The following IER5 variants were observed in gnomAD, a reference collection of about 807,000 sequenced individuals.
The protein encoded by IER5 is immediate early response gene 5 protein.
Under a neutral mutation model 8.2 loss-of-function variants are expected in IER5, and 3 were observed. The ratio of observed to expected loss-of-function variants is 0.36; its 90% CI spans 0.17 to 0.94. IER5 has a LOEUF of 0.94. Among genes scored for constraint, IER5 ranks in the 40% least tolerant of loss-of-function variants. The pLI is 0.43. For synonymous variants in IER5, 286 were observed against 230.1 expected (o/e 1.24, Z -2.20); for missense variants, 531 against 494.3 (o/e 1.07, Z -0.70).
rs1019828523 is a variant in IER5, at chr1:181,091,609, AAG to A, written c.*1728_*1729del. The A allele has an allele frequency of 2.0e-5, 3 of 152,236 alleles. No individual in the cohort carries two copies. The highest frequency in any genetic ancestry group is 6.5e-5 in the Admixed American group (1 of 15,286). 9.4% of individuals were successfully genotyped at this position (152,236 alleles called of 1,614,324 possible). A position where few individuals can be genotyped will look rare whatever the true frequency, so the allele number is the denominator to read the frequency against. ...CGATTTTACTAAAATCACTGCCATT[AAG>A]AGAGTTTTTTGTCTCTTCATGTTCA... On this transcript the variant is annotated 3_prime_UTR_variant, in exon 1 of 1. Transcript: ENST00000367577.
At position 181,091,762 on chromosome 1, in the gene IER5, A is replaced by G. The variant is rs1659485575; in HGVS notation, c.*1876A>G. The G allele has an allele frequency of 6.6e-6, 1 of 152,244 alleles. No homozygotes were observed. Among genetic ancestry groups the G allele is most frequent in the African/African-American group, 2.4e-5 (1 of 41,464 alleles). The allele number at this position is 152,244 out of a possible 1,614,324, so 9.4% of individuals were successfully genotyped here. A position where few individuals can be genotyped will look rare whatever the true frequency, so the allele number is the denominator to read the frequency against. ...CTGGTTTCTAACAACTTACGAGTAT[A>G]TAGGGTATTTAAAAGATGGGAGAGA... On this transcript the variant is annotated 3_prime_UTR_variant, in exon 1 of 1. Coordinates refer to ENST00000367577, the MANE Select transcript of IER5 (RefSeq NM_016545.5).
At position 181,089,216 on chromosome 1, in the gene IER5, C is replaced by T. The variant is rs769244294; in HGVS notation, c.314C>T (p.Ser105Phe). 3.8e-5 allele frequency: 58 copies of T among 1,541,340 alleles called. No individual in the cohort carries two copies. The highest frequency in any genetic ancestry group is 4.8e-5 in the Non-Finnish European group (55 of 1,145,972). ...GAGACCGAGCCGCAGCCGGAGCGCT[C>T]CTCCGTCTCAGACGCGCCGCGGGTA... ...WPETEPQPER[S>F]SVSDAPRVGD... Residue 105 changes from serine (S) to phenylalanine (F), a missense_variant, in exon 1 of 1, where the codon TCC (serine) becomes TTC (phenylalanine). Transcript: ENST00000367577.
rs764520802 is a variant in IER5 at position 181,092,764 on chromosome 1, CAT to C, written c.*2881_*2882del. On this transcript the variant is annotated 3_prime_UTR_variant, in exon 1 of 1. Coordinates refer to ENST00000367577, the MANE Select transcript of IER5 (RefSeq NM_016545.5). Reference sequence around the variant, plus strand: ...AGTTAATGCTCTTAGAAGAGTACCTCATATGTAATAAGCACGCAACTGTTAAT... The same window carrying C: ...AGTTAATGCTCTTAGAAGAGTACCTCATGTAATAAGCACGCAACTGTTAAT... 4.6e-5 allele frequency: 7 copies of C among 152,196 alleles called. No individual in the cohort carries two copies. Among genetic ancestry groups the C allele is most frequent in the Non-Finnish European group, 1.0e-4 (7 of 68,032 alleles). 9.4% of individuals were successfully genotyped at this position (152,196 alleles called of 1,614,324 possible). A position where few individuals can be genotyped will look rare whatever the true frequency, so the allele number is the denominator to read the frequency against.
At position 181,088,766 on chromosome 1, in the gene IER5, G is replaced by T. The variant is rs1659387229; in HGVS notation, c.-137G>T. Reference sequence around the variant, plus strand: ...GAGAGGTTAGTAGAGCAGCGCGCGCGTCACCAGAGTCGTTTCTCTTCGGAG... The same window carrying T: ...GAGAGGTTAGTAGAGCAGCGCGCGCTTCACCAGAGTCGTTTCTCTTCGGAG... On this transcript the variant is annotated 5_prime_UTR_variant, in exon 1 of 1. Coordinates refer to ENST00000367577, the MANE Select transcript of IER5 (RefSeq NM_016545.5). 3 of 663,568 alleles carry T rather than the reference G, an allele frequency of 4.5e-6. No homozygotes were observed. Among genetic ancestry groups the T allele is most frequent in the East Asian group, 3.7e-5 (1 of 26,716 alleles). The allele number at this position is 663,568 out of a possible 1,614,324, so 41.1% of individuals were successfully genotyped here.
Position 181,089,175 on chromosome 1 carries a change from T to C in IER5, c.273T>C (p.Ala91=), listed in dbSNP as rs780774987. 4.0e-6 allele frequency: 6 copies of C among 1,481,726 alleles called. No homozygotes were observed. In the South Asian group the frequency reaches 8.1e-5, roughly 20 times the overall value. 91.8% of individuals were successfully genotyped at this position (1,481,726 alleles called of 1,614,324 possible). A position where few individuals can be genotyped will look rare whatever the true frequency, so the allele number is the denominator to read the frequency against. The part of the protein sequence containing the change: ...AGWGEPPPPA[A]RASWPETEPQ... ...GGGGAGAGCCGCCCCCGCCCGCCGC[T>C]CGTGCCTCTTGGCCGGAGACCGAGC... Residue 91 remains alanine, a synonymous_variant, in exon 1 of 1, where the codon GCT becomes GCC. Transcript: ENST00000367577.
rs1659431838 is a variant in IER5 at position 181,089,975 on chromosome 1, G to A, written c.*89G>A. The A allele has an allele frequency of 5.3e-6, 8 of 1,512,936 alleles. No homozygotes were observed. In the South Asian group the frequency reaches 7.4e-5, roughly 14 times the overall value. 93.7% of individuals were successfully genotyped at this position (1,512,936 alleles called of 1,614,324 possible). A position where few individuals can be genotyped will look rare whatever the true frequency, so the allele number is the denominator to read the frequency against. On this transcript the variant is annotated 3_prime_UTR_variant, in exon 1 of 1. Coordinates refer to ENST00000367577, the MANE Select transcript of IER5 (RefSeq NM_016545.5). ...CTTCCCGGCTGCGAGGACGCCCAGAGACCGCGGGCGCTGAGCGCGTTGGGC... is the reference window on the plus strand; with the variant it reads ...CTTCCCGGCTGCGAGGACGCCCAGAAACCGCGGGCGCTGAGCGCGTTGGGC...
Position 181,089,136 on chromosome 1 carries a change from G to T in IER5, c.234G>T (p.Gly78=), listed in dbSNP as rs113028155. 31,736 of 1,395,294 alleles carry T rather than the reference G, an allele frequency of 0.023. 438 individuals are homozygous for T. The highest frequency in any genetic ancestry group is 0.028 in the African/African-American group (1,816 of 65,836). The allele number at this position is 1,395,294 out of a possible 1,614,324, so 86.4% of individuals were successfully genotyped here. Residue 78 remains glycine, a synonymous_variant, in exon 1 of 1, where the codon GGG becomes GGT. Coordinates refer to ENST00000367577, the MANE Select transcript of IER5 (RefSeq NM_016545.5). ...PQQQPGEPAA[G]PPAGWGEPPP... ...AGCAGCCCGGGGAGCCGGCGGCCGG[G>T]CCACCCGCCGGCTGGGGAGAGCCGC...
rs535120686 is a variant in IER5 at position 181,091,537 on chromosome 1, T to G, written c.*1651T>G. ...TTTGTTACTTAAATGGTGACATCAG[T>G]GTTTGGTCATGGTAGACACTTAGGT... On this transcript the variant is annotated 3_prime_UTR_variant, in exon 1 of 1. Transcript: ENST00000367577. The G allele has an allele frequency of 3.3e-5, 5 of 152,400 alleles. No individual in the cohort carries two copies. Among genetic ancestry groups the G allele is most frequent in the African/African-American group, 1.2e-4 (5 of 41,602 alleles). 9.4% of individuals were successfully genotyped at this position (152,400 alleles called of 1,614,324 possible). A position where few individuals can be genotyped will look rare whatever the true frequency, so the allele number is the denominator to read the frequency against.
In IER5 at chr1:181,088,778, G is replaced by T; in HGVS notation, c.-125G>T. The T allele has an allele frequency of 2.7e-6, 2 of 736,178 alleles. No homozygotes were observed. The highest frequency in any genetic ancestry group is 4.3e-6 in the Non-Finnish European group (2 of 460,992). 45.6% of individuals were successfully genotyped at this position (736,178 alleles called of 1,614,324 possible). Reference sequence around the variant, plus strand: ...GAGCAGCGCGCGCGTCACCAGAGTCGTTTCTCTTCGGAGTCTTAGGTGATC... The same window carrying T: ...GAGCAGCGCGCGCGTCACCAGAGTCTTTTCTCTTCGGAGTCTTAGGTGATC... On this transcript the variant is annotated 5_prime_UTR_variant, in exon 1 of 1. Coordinates refer to ENST00000367577, the MANE Select transcript of IER5 (RefSeq NM_016545.5).
chr1:181,089,626 C>T lies in IER5; in HGVS notation c.724C>T (p.Pro242Ser), dbSNP rs2102433481. 6.2e-7 allele frequency: 1 copy of T among 1,612,104 alleles called. No individual in the cohort carries two copies. The highest frequency in any genetic ancestry group is 8.5e-7 in the Non-Finnish European group (1 of 1,179,680). The change falls in exon 1 of 1, where the codon CCC becomes TCC. Residue 242 changes from proline to serine, a missense_variant. Physicochemically the swap from Pro to Ser is moderately conservative, Grantham distance 74 (BLOSUM62 -1). Transcript: ENST00000367577. Reference sequence around the variant, plus strand: ...GCCCGGCTCGACCCCGCTCAAGAAGCCCCGCCGGAACTTAGAGCAGCCGCC... The same window carrying T: ...GCCCGGCTCGACCCCGCTCAAGAAGTCCCGCCGGAACTTAGAGCAGCCGCC... ...PAPGSTPLKK[P>S]RRNLEQPPSG...
rs562777916 is a variant in IER5 at position 181,088,821 on chromosome 1, G to T, written c.-82G>T. 1.1e-5 allele frequency: 16 copies of T among 1,491,182 alleles called. No homozygotes were observed. In the East Asian group the frequency reaches 3.6e-4, roughly 33 times the overall value. 92.4% of individuals were successfully genotyped at this position (1,491,182 alleles called of 1,614,324 possible). ...AGGTGATCGAGGGTGTGCCCAGGGG[G>T]CGGACTTGTTTGCGCCTCCCGTTCC... On this transcript the variant is annotated 5_prime_UTR_variant, in exon 1 of 1. Coordinates refer to ENST00000367577, the MANE Select transcript of IER5 (RefSeq NM_016545.5).
In IER5 at chr1:181,089,799, G is replaced by A. The variant is rs1286111313; in HGVS notation, c.897G>A (p.Pro299=). The A allele has an allele frequency of 1.9e-6, 3 of 1,613,416 alleles. No homozygotes were observed. Among genetic ancestry groups the A allele is most frequent in the South Asian group, 2.2e-5 (2 of 91,036 alleles). Residue 299 remains proline (P), a synonymous_variant, in exon 1 of 1, where the codon CCG becomes CCA. Coordinates refer to ENST00000367577, the MANE Select transcript of IER5 (RefSeq NM_016545.5). The stretch of plus-strand genomic sequence containing the variant: ...AAGAGGAGGGAGAGGAGAGCGGTCC[G>A]GAAGCCGCCGAGCCCGGGCAGATCT... ...REEEEGEESG[P]EAAEPGQICC...
At position 181,091,467 on chromosome 1, in the gene IER5, G is replaced by C. The variant is rs1391198121; in HGVS notation, c.*1581G>C. 3 of 152,126 alleles carry C rather than the reference G, an allele frequency of 2.0e-5. No homozygotes were observed. The highest frequency in any genetic ancestry group is 4.4e-5 in the Non-Finnish European group (3 of 68,028). 9.4% of individuals were successfully genotyped at this position (152,126 alleles called of 1,614,324 possible). A position where few individuals can be genotyped will look rare whatever the true frequency, so the allele number is the denominator to read the frequency against. On this transcript the variant is annotated 3_prime_UTR_variant, in exon 1 of 1. Coordinates refer to ENST00000367577, the MANE Select transcript of IER5 (RefSeq NM_016545.5). ...TGCATCAAACCAGATAAGGAAGGAG[G>C]GCTAGGCAAATTTAGTTCTCATTTA...
chr1:181,088,721 C>T lies in IER5; in HGVS notation c.-182C>T, dbSNP rs568817881. Reference sequence around the variant, plus strand: ...CCCTGTTTAGCGACCGGACCCGAAACGGGGAAGTTGTCTTGTTTGGAGAGG... The same window carrying T: ...CCCTGTTTAGCGACCGGACCCGAAATGGGGAAGTTGTCTTGTTTGGAGAGG... On this transcript the variant is annotated 5_prime_UTR_variant, in exon 1 of 1. In the 5' UTR this introduces an upstream ATG that the reference lacks. Coordinates refer to ENST00000367577, the MANE Select transcript of IER5 (RefSeq NM_016545.5). 10 of 598,584 alleles carry T rather than the reference C, an allele frequency of 1.7e-5. No homozygotes were observed. Among genetic ancestry groups the T allele is most frequent in the African/African-American group, 3.9e-5 (2 of 51,724 alleles). The allele number at this position is 598,584 out of a possible 1,614,324, so 37.1% of individuals were successfully genotyped here.
chr1:181,088,791 GTCT>G lies in IER5; in HGVS notation c.-110_-108del. On this transcript the variant is annotated 5_prime_UTR_variant, in exon 1 of 1. Transcript: ENST00000367577. ...GTCACCAGAGTCGTTTCTCTTCGGA[GTCT>G]TAGGTGATCGAGGGTGTGCCCAGGG... 1.1e-6 allele frequency: 1 copy of G among 905,830 alleles called. No homozygotes were observed. The highest frequency in any genetic ancestry group is 2.3e-5 in the Admixed American group (1 of 44,240). The allele number at this position is 905,830 out of a possible 1,614,324, so 56.1% of individuals were successfully genotyped here. A position where few individuals can be genotyped will look rare whatever the true frequency, so the allele number is the denominator to read the frequency against.
chr1:181,090,191 G>A lies in IER5; in HGVS notation c.*305G>A. The A allele has an allele frequency of 2.5e-6, 1 of 406,746 alleles. No homozygotes were observed. Among genetic ancestry groups the A allele is most frequent in the East Asian group, 5.6e-5 (1 of 17,712 alleles). 25.2% of individuals were successfully genotyped at this position (406,746 alleles called of 1,614,324 possible). A position where few individuals can be genotyped will look rare whatever the true frequency, so the allele number is the denominator to read the frequency against. On this transcript the variant is annotated 3_prime_UTR_variant, in exon 1 of 1. Transcript: ENST00000367577. Reference sequence around the variant, plus strand: ...TGGAATGCACCACTCCTTCCCCAGGGTTTAAGAGATTGGGGGCAGACAGGG... The same window carrying A: ...TGGAATGCACCACTCCTTCCCCAGGATTTAAGAGATTGGGGGCAGACAGGG...
chr1:181,089,980 CGGG>C lies in IER5; in HGVS notation c.*95_*97del. 1 of 1,498,900 alleles carries C rather than the reference CGGG, an allele frequency of 6.7e-7. No homozygotes were observed. The highest frequency in any genetic ancestry group is 2.4e-5 in the East Asian group (1 of 41,762). The allele number at this position is 1,498,900 out of a possible 1,614,324, so 92.9% of individuals were successfully genotyped here. A position where few individuals can be genotyped will look rare whatever the true frequency, so the allele number is the denominator to read the frequency against. Reference sequence around the variant, plus strand: ...CGGCTGCGAGGACGCCCAGAGACCGCGGGCGCTGAGCGCGTTGGGCAGACTGGT... The same window carrying C: ...CGGCTGCGAGGACGCCCAGAGACCGCCGCTGAGCGCGTTGGGCAGACTGGT... On this transcript the variant is annotated 3_prime_UTR_variant, in exon 1 of 1. Transcript: ENST00000367577.
Position 181,089,409 on chromosome 1 carries a change from T to G in IER5, c.507T>G (p.Ser169=). ...GCTGGGGCGTCTTCCCCGAGGTATCTCGTGCCGCGCGCCGCCCCTGCGGCT... is the reference window on the plus strand; with the variant it reads ...GCTGGGGCGTCTTCCCCGAGGTATCGCGTGCCGCGCGCCGCCCCTGCGGCT... ...AGGWGVFPEV[S]RAARRPCGCP... Residue 169 remains serine, a synonymous_variant, in exon 1 of 1, where the codon TCT becomes TCG. Transcript: ENST00000367577. The G allele has an allele frequency of 7.0e-7, 1 of 1,424,174 alleles. No homozygotes were observed. Among genetic ancestry groups the G allele is most frequent in the Non-Finnish European group, 9.2e-7 (1 of 1,086,714 alleles). 88.2% of individuals were successfully genotyped at this position (1,424,174 alleles called of 1,614,324 possible). A position where few individuals can be genotyped will look rare whatever the true frequency, so the allele number is the denominator to read the frequency against.
chr1:181,091,766 G>A lies in IER5; in HGVS notation c.*1880G>A, dbSNP rs534460909. 2 of 152,110 alleles carry A rather than the reference G, an allele frequency of 1.3e-5. No homozygotes were observed. The highest frequency in any genetic ancestry group is 4.8e-5 in the African/African-American group (2 of 41,406). The allele number at this position is 152,110 out of a possible 1,614,324, so 9.4% of individuals were successfully genotyped here. A position where few individuals can be genotyped will look rare whatever the true frequency, so the allele number is the denominator to read the frequency against. On this transcript the variant is annotated 3_prime_UTR_variant, in exon 1 of 1. Transcript: ENST00000367577. ...TTTCTAACAACTTACGAGTATATAG[G>A]GTATTTAAAAGATGGGAGAGATTGA...
Sources: gnomAD v4.1 joint callset for allele counts on GRCh38, gnomAD v4.1.1 for gene constraint, MANE v1.5 for transcripts, NCBI Gene and HGNC (gene_info 2026-07-23, HGNC 2026-07-21) for gene names.